Variants in TRPM2 observed in about 807,000 individuals in gnomAD.
TRPM2 encodes transient receptor potential cation channel subfamily M member 2.
TRPM2 carries 161 observed loss-of-function variants against 174.0 expected under a neutral mutation model. The ratio of observed to expected loss-of-function variants is 0.93; its 90% CI spans 0.81 to 1.05. TRPM2 has a LOEUF of 1.05. TRPM2 is among the 50% of genes least tolerant of loss of function. TRPM2 has a pLI of 0.00. For missense variants in TRPM2, 2,057 were observed against 2,038.0 expected (o/e 1.01, Z -0.18); for synonymous variants, 954 against 861.3 (o/e 1.11, Z -1.88).
chr21:44,380,918 A>G (rs2048861960), intron 8 of TRPM2, among the ~76,000 whole-genome samples: 1 of 152,174 alleles, frequency 6.6e-6, no homozygotes, highest in African/African-American at 2.4e-5. Flanking sequence ...TCACCCTATG[A>G]GGACAGGGCG....
intron 11 of TRPM2, among the ~76,000 whole-genome samples, chr21:44,394,480 T>C (rs1415503727): frequency 6.6e-6 from 1 of 151,902 alleles, no homozygotes; most frequent in Non-Finnish European, 1.5e-5. Flanking sequence ...CCACCACGCC[T>C]GGCTAATTTT....
In TRPM2 at chr21:44,379,135, G is replaced by A. The variant is rs45485992; in HGVS notation, c.1153G>A (p.Val385Met). Residue 385 changes from valine (V) to methionine (M), a missense_variant, in exon 8 of 32, where the codon GTG becomes ATG. Physicochemically the swap from Val to Met is conservative, Grantham distance 21. Coordinates refer to ENST00000397928, the MANE Select transcript of TRPM2 (RefSeq NM_003307.4). ...TISLIQQKLS[V>M]FFQEMFETFT... Reference sequence around the variant, plus strand: ...CTCCCTGATCCAGCAGAAACTGAGCGTGTTCTTCCAGGAGATGTTTGAGAC... The same window carrying A: ...CTCCCTGATCCAGCAGAAACTGAGCATGTTCTTCCAGGAGATGTTTGAGAC... 6.7e-4 allele frequency: 1,085 copies of A among 1,613,646 alleles called. 6 individuals are homozygous for A. The African/African-American group carries it at 0.013, about 20-fold the overall frequency.
At chr21:44,385,414 T>C (rs936142025) in intron 9 of TRPM2, among the ~76,000 whole-genome samples, 2 of 152,198 alleles carry the variant, frequency 1.3e-5, no homozygotes, top group Admixed American at 1.3e-4. Context: ...ACCAACAACC[T>C]AACTTTACAG....
In TRPM2 at chr21:44,395,488, T is replaced by A; in HGVS notation, c.1869T>A (p.Arg623=). 6.2e-7 allele frequency: 1 copy of A among 1,613,070 alleles called. No individual in the cohort carries two copies. The highest frequency in any genetic ancestry group is 8.5e-7 in the Non-Finnish European group (1 of 1,179,940). Residue 623 remains arginine (R), a synonymous_variant, in exon 12 of 32, where the codon CGT becomes CGA. Coordinates refer to ENST00000397928, the MANE Select transcript of TRPM2 (RefSeq NM_003307.4). The part of the protein sequence containing the change: ...GHVTFTMDPI[R]DLLIWAIVQN... Reference sequence around the variant, plus strand: ...TGACCTTCACCATGGACCCCATCCGTGACCTTCTCATTTGGGCCATTGTCC... The same window carrying A: ...TGACCTTCACCATGGACCCCATCCGAGACCTTCTCATTTGGGCCATTGTCC...
At chr21:44,441,340 C>T (rs934909157) in intron 31 of TRPM2, among the ~76,000 whole-genome samples, 10 of 152,304 alleles carry the variant, frequency 6.6e-5, no homozygotes, top group Non-Finnish European at 1.2e-4. Context: ...CCTCAGCCCC[C>T]GGCTGCCGGC....
At chr21:44,400,558 A>G (rs2049584190) in intron 15 of TRPM2, among the ~76,000 whole-genome samples, 187 bp downstream of exon 15, 1 of 152,174 alleles carries the variant, frequency 6.6e-6, no homozygotes. Context: ...TGCTGGAAGC[A>G]CCTGCCTTGC....
At position 44,356,122 on chromosome 21, in the gene TRPM2, TC is replaced by T. The variant is rs1465533471; in HGVS notation, c.254+1388del. 1.5e-4 allele frequency among the ~76,000 whole-genome samples: 19 copies of T among 128,808 alleles called. 1 individual carries two copies. Among genetic ancestry groups the T allele is most frequent in the African/African-American group, 4.5e-4 (16 of 35,620 alleles). 84.5% of individuals were successfully genotyped at this position (128,808 alleles called of 152,430 possible). ...CACTTTGGGAGGCCGAGGCAGGTGA[TC>T]CACCCGCCTCGGCCTCCCAAAGTGC... On this transcript the variant is annotated intron_variant, in intron 2 of 31. Transcript: ENST00000397928.
intron 19 of TRPM2, among the ~76,000 whole-genome samples, chr21:44,413,590 C>T (rs901720417): frequency 3.3e-5 from 5 of 152,202 alleles, no homozygotes; most frequent in Non-Finnish European, 5.9e-5. Flanking sequence ...AGGCTTGGGA[C>T]CTGGTGCTGG....
At chr21:44,368,391 G>A (rs953758400) in intron 4 of TRPM2, among the ~76,000 whole-genome samples, 1 of 151,606 alleles carries the variant, frequency 6.6e-6, no homozygotes, top group African/African-American at 2.4e-5. Context: ...ACAGGCGTGA[G>A]CCACCATGCC....
At position 44,366,055 on chromosome 21, in the gene TRPM2, G is replaced by A. The variant is rs1004107748; in HGVS notation, c.424-699G>A. Among the ~76,000 whole-genome samples, 2 of 152,206 alleles carry A rather than the reference G, an allele frequency of 1.3e-5. No homozygotes were observed. Among genetic ancestry groups the A allele is most frequent in the African/African-American group, 4.8e-5 (2 of 41,448 alleles). ...AATCCCGGCGGAGATTGCAGACCCC[G>A]CTGGGTCTCTTCAGACACAGCCCGC... On this transcript the variant is annotated intron_variant, in intron 3 of 31. Transcript: ENST00000397928. The surrounding 1 kb of genome is among the most constrained non-coding windows in gnomAD (Gnocchi z 6.0).
rs1331099919 is a variant in TRPM2, at chr21:44,432,120, C to T, written c.3975-3011C>T. ...CACGTCTGTCTGGGGCCAGCCCCCT[C>T]ACTGTATTAGTTTTCTATGGCTGTT... On this transcript the variant is annotated intron_variant, in intron 27 of 31. Coordinates refer to ENST00000397928, the MANE Select transcript of TRPM2 (RefSeq NM_003307.4). This position sits in a 1 kb window ranked among gnomAD's most constrained non-coding sequence, Gnocchi z 4.9. Among the ~76,000 whole-genome samples the T allele has an allele frequency of 6.6e-6, 1 of 152,222 alleles. No homozygotes were observed. Among genetic ancestry groups the T allele is most frequent in the African/African-American group, 2.4e-5 (1 of 41,444 alleles).
intron 9 of TRPM2, among the ~76,000 whole-genome samples, chr21:44,384,652 C>T (rs2048971537): frequency 6.6e-6 from 1 of 152,172 alleles, no homozygotes; most frequent in Non-Finnish European, 1.5e-5. Flanking sequence ...CTGGGGATTA[C>T]ATTTACAACA....
At chr21:44,406,862 T>A in intron 19 of TRPM2, 97 bp downstream of exon 19, 7 of 1,434,206 alleles carry the variant, frequency 4.9e-6, no homozygotes, top group Middle Eastern at 2.5e-4. Flanking sequence ...GCCGGCTCCA[T>A]CAGGGGGTCC....
intron 20 of TRPM2, chr21:44,415,344 T>C (rs2050243930): frequency 6.6e-6 from 1 of 152,120 alleles, no homozygotes; most frequent in African/African-American, 2.4e-5. Flanking sequence ...TGGGAAATTA[T>C]CTGGGGTTAT....
chr21:44,408,335 C>A (rs2049974980), intron 19 of TRPM2, among the ~76,000 whole-genome samples: 1 of 152,026 alleles, frequency 6.6e-6, no homozygotes, highest in South Asian at 2.1e-4. Flanking sequence ...CTCTTAGACA[C>A]CTAGGAATGC....
At chr21:44,360,843 A>C (rs1475584069) in intron 2 of TRPM2, among the ~76,000 whole-genome samples, 2 of 152,158 alleles carry the variant, frequency 1.3e-5, no homozygotes, top group East Asian at 3.8e-4. Context: ...CTGGGATTAC[A>C]GGTGTGAGCC....
chr21:44,388,650 CAAAAAA>C (rs60322957), intron 9 of TRPM2, among the ~76,000 whole-genome samples: 33 of 83,006 alleles, frequency 4.0e-4, no homozygotes, highest in African/African-American at 1.2e-3. Flanking sequence ...CCTGTCACTA[CAAAAAA>C]AAAAAAAAAA....
At chr21:44,425,587 G>C in intron 24 of TRPM2, 83 bp from the exon 25 acceptor site, 1 of 1,394,156 alleles carries the variant, frequency 7.2e-7, no homozygotes, top group Non-Finnish European at 9.4e-7. Context: ...TTGGCGGAAG[G>C]ACCACAGAGG....
rs533258373 is a variant in TRPM2 at position 44,438,755 on chromosome 21, C to T, written c.4168-312C>T. Among the ~76,000 whole-genome samples, 2 of 152,146 alleles carry T rather than the reference C, an allele frequency of 1.3e-5. No individual in the cohort carries two copies. The highest frequency in any genetic ancestry group is 6.5e-5 in the Admixed American group (1 of 15,300). On this transcript the variant is annotated intron_variant, in intron 29 of 31. Coordinates refer to ENST00000397928, the MANE Select transcript of TRPM2 (RefSeq NM_003307.4). The surrounding 1 kb of genome is among the most constrained non-coding windows in gnomAD (Gnocchi z 5.9). The stretch of plus-strand genomic sequence containing the variant: ...GACGCGGGGGCAGGCGCCAGGGGAG[C>T]GGGAAGGGGGTGCCCTGTCACCCTT...
Sources: gnomAD v4.1 joint callset for allele counts (sites outside exome capture counted in the v4.1 genomes callset) on GRCh38, gnomAD v4.1.1 for gene constraint, Gnocchi (gnomAD v3.1) non-coding constraint, MANE v1.5 for transcripts, NCBI Gene and HGNC (gene_info 2026-07-23, HGNC 2026-07-21) for gene names.